Variants in MMP26 observed in about 807,000 individuals in gnomAD.
The protein encoded by MMP26 is matrix metalloproteinase-26.
A neutral mutation model predicts 31.0 loss-of-function variants in MMP26; 33 were observed. That is an observed-to-expected ratio of 1.06 (90% CI 0.81 to 1.42). The LOEUF is 1.42. MMP26 is among the 40% of genes most tolerant of loss of function. The pLI, the probability that MMP26 is intolerant of heterozygous loss-of-function variation, is 0.00. For synonymous variants in MMP26, 122 were observed against 114.9 expected (o/e 1.06, Z -0.40); for missense variants, 347 against 316.1 (o/e 1.10, Z -0.74).
chr11:4,942,089 C>CAAAAAAAAAAAAAAAAAAA (rs201626472), intron 2 of MMP26, among the ~76,000 whole-genome samples: 401 of 37,050 alleles, frequency 0.011, 47 homozygotes, highest in Middle Eastern at 0.023. Flanking sequence ...GAGTCCATCT[C>CAAAAAAAAAAAAAAAAAAA]AAAAAAAAAA....
At chr11:4,842,605 G>T (rs1352280992) in intron 2 of MMP26, among the ~76,000 whole-genome samples, 1 of 152,136 alleles carries the variant, frequency 6.6e-6, no homozygotes, top group Admixed American at 6.6e-5. Context: ...TCTCCCATCA[G>T]GTCCCTCTCT....
At chr11:4,709,560 T>G in intron 1 of MMP26, 1 of 432,568 alleles carries the variant, frequency 2.3e-6, no homozygotes, top group Non-Finnish European at 4.7e-6. Flanking sequence ...ATCTGCTTCT[T>G]CGCTCATCAT....
At chr11:4,916,498 G>A (rs1851094104) in intron 2 of MMP26, among the ~76,000 whole-genome samples, 1 of 150,978 alleles carries the variant, frequency 6.6e-6, no homozygotes, top group Admixed American at 6.6e-5. Flanking sequence ...ATCTTACTGT[G>A]CTTTCTTTGT....
intron 2 of MMP26, chr11:4,786,732 G>A (rs933698411): frequency 6.6e-6 from 1 of 152,180 alleles, no homozygotes; most frequent in African/African-American, 2.4e-5. Flanking sequence ...AATGAAGTCA[G>A]GTACTAACTA....
intron 2 of MMP26, chr11:4,914,422 G>A: frequency 3.5e-6 from 1 of 289,042 alleles, no homozygotes; most frequent in Non-Finnish European, 6.5e-6. Context: ...AGTTTCAAGG[G>A]GAGAAGAAGT....
intron 2 of MMP26, among the ~76,000 whole-genome samples, chr11:4,789,133 G>A (rs1367572506): frequency 3.3e-5 from 5 of 152,168 alleles, no homozygotes; most frequent in Non-Finnish European, 7.3e-5. Context: ...AAAAATAGTA[G>A]TTTCTAATTT....
chr11:4,876,768 A>G (rs1850384870), intron 2 of MMP26: 1 of 152,512 alleles, frequency 6.6e-6, no homozygotes, highest in Non-Finnish European at 1.5e-5. Flanking sequence ...GTTAGCTGCC[A>G]CTGACCTCAG....
chr11:4,885,987 C>G (rs1236137806), intron 2 of MMP26, among the ~76,000 whole-genome samples: 1 of 151,988 alleles, frequency 6.6e-6, no homozygotes. Flanking sequence ...AGGCCTATGT[C>G]TTATGTAACA....
intron 2 of MMP26, among the ~76,000 whole-genome samples, chr11:4,965,920 G>C (rs1846586752): frequency 6.6e-6 from 1 of 152,120 alleles, no homozygotes; most frequent in African/African-American, 2.4e-5. Flanking sequence ...AGTAGTTGTA[G>C]CATTTGCCAC....
intron 2 of MMP26, chr11:4,848,328 A>T: frequency 2.5e-6 from 4 of 1,614,152 alleles, no homozygotes; most frequent in Non-Finnish European, 2.5e-6. Context: ...AATAGGGTTT[A>T]TCAATGGAGG....
intron 2 of MMP26, among the ~76,000 whole-genome samples, chr11:4,859,334 A>C (rs1346901453): frequency 1.3e-5 from 2 of 152,212 alleles, no homozygotes; most frequent in Non-Finnish European, 2.9e-5. Context: ...TAAATGTGAT[A>C]ATTTGTTCTC....
At chr11:4,705,814 C>A (rs1370501398) in intron 1 of MMP26, among the ~76,000 whole-genome samples, 1 of 151,952 alleles carries the variant, frequency 6.6e-6, no homozygotes, top group Non-Finnish European at 1.5e-5. Flanking sequence ...ATGGTGAAAC[C>A]CCATCTCTAC....
intron 1 of MMP26, among the ~76,000 whole-genome samples, chr11:4,757,920 A>G (rs886845339): frequency 2.0e-5 from 3 of 152,200 alleles, no homozygotes; most frequent in Non-Finnish European, 4.4e-5. Context: ...GAAAAATGAT[A>G]CAGCCACTTT....
intron 1 of MMP26, among the ~76,000 whole-genome samples, chr11:4,725,771 G>C (rs538503103): frequency 3.3e-5 from 5 of 152,180 alleles, no homozygotes; most frequent in African/African-American, 1.2e-4. Flanking sequence ...TGAGAAACCT[G>C]AAGATCAGAA....
intron 2 of MMP26, among the ~76,000 whole-genome samples, chr11:4,881,031 C>T (rs530431204): frequency 6.6e-6 from 1 of 152,190 alleles, no homozygotes; most frequent in South Asian, 2.1e-4. Flanking sequence ...TTCTTCCTGG[C>T]CAGTCAGATG....
intron 2 of MMP26, among the ~76,000 whole-genome samples, chr11:4,970,285 T>C (rs1846648329): frequency 6.6e-6 from 1 of 152,208 alleles, no homozygotes; most frequent in Non-Finnish European, 1.5e-5. Flanking sequence ...CCAGTATTTA[T>C]GGGGAATTCT....
intron 2 of MMP26, among the ~76,000 whole-genome samples, chr11:4,844,101 A>G (rs1442139566): frequency 6.6e-6 from 1 of 152,174 alleles, no homozygotes; most frequent in Non-Finnish European, 1.5e-5. Context: ...ATTACAACTG[A>G]TACTGAAGAA....
chr11:4,981,174 G>A (rs949463834), intron 2 of MMP26, among the ~76,000 whole-genome samples: 5 of 151,938 alleles, frequency 3.3e-5, no homozygotes, highest in African/African-American at 9.7e-5. Context: ...TCACATTTTT[G>A]TACTGTTTGA....
chr11:4,928,737 T>C (rs561483404), intron 2 of MMP26, among the ~76,000 whole-genome samples: 1 of 152,316 alleles, frequency 6.6e-6, no homozygotes, highest in South Asian at 2.1e-4. Flanking sequence ...ACTTCAAGGT[T>C]CTGCTGCAGC....
Sources: allele counts gnomAD v4.1 joint callset (sites outside exome capture counted in the v4.1 genomes callset), GRCh38; gene constraint gnomAD v4.1.1; transcripts MANE v1.5; gene names NCBI Gene and HGNC (gene_info 2026-07-23, HGNC 2026-07-21).